Variants in PUF60 observed in about 807,000 individuals in gnomAD.
PUF60 encodes the protein poly(U)-binding-splicing factor PUF60.
Under a neutral mutation model 61.8 loss-of-function variants are expected in PUF60, and 10 were observed. The ratio of observed to expected loss-of-function variants is 0.16; its 90% CI spans 0.10 to 0.27. The LOEUF (loss-of-function observed/expected upper bound fraction) is 0.27. PUF60 is among the 10% of genes least tolerant of loss of function. The pLI, the probability that PUF60 is intolerant of heterozygous loss-of-function variation, is 1.00. For synonymous variants in PUF60, 353 were observed against 300.9 expected (o/e 1.17, Z -1.79); for missense variants, 371 against 754.0 (o/e 0.49, Z 5.95).
intron 3 of PUF60, 53 bp downstream of exon 3, chr8:143,821,765 T>TGCCCCC (rs1817046218): frequency 2.1e-6 from 2 of 939,380 alleles, no homozygotes; most frequent in African/African-American, 1.7e-5. Context: ...CCCCTGCCCC[T>TGCCCCC]GCCCCCAGTT....
Position 143,817,518 on chromosome 8 carries a change from C to A in PUF60, c.1009-52G>T. 1 of 1,607,668 alleles carries A rather than the reference C, an allele frequency of 6.2e-7. No homozygotes were observed. Reference sequence around the variant, plus strand: ...AGTCCCTGGTCTGGCTACTCAAGACCACCTTGAATCAGTCTCCAAGGAATC... The same window carrying A: ...AGTCCCTGGTCTGGCTACTCAAGACAACCTTGAATCAGTCTCCAAGGAATC... On this transcript the variant is annotated intron_variant, in intron 9 of 11. Transcript: ENST00000526683. This position sits in a 1 kb window ranked among gnomAD's most constrained non-coding sequence, Gnocchi z 7.4.
At chr8:143,827,897 G>C (rs1235707755) in intron 1 of PUF60, among the ~76,000 whole-genome samples, 1 of 152,116 alleles carries the variant, frequency 6.6e-6, no homozygotes, top group Admixed American at 6.5e-5. Flanking sequence ...CGGGTGCTAG[G>C]GGAGTCAGGC....
Position 143,816,443 on chromosome 8 carries a change from C to A in PUF60, c.*77G>T. On this transcript the variant is annotated 3_prime_UTR_variant, in exon 12 of 12. Coordinates refer to ENST00000526683, the MANE Select transcript of PUF60 (RefSeq NM_078480.3). ...CTGGGCTGGGCAGAGCGCGCCTGGC[C>A]CCGGGGACACCACTGTATCACTATA... The A allele has an allele frequency of 2.0e-6, 3 of 1,503,866 alleles. No homozygotes were observed. The highest frequency in any genetic ancestry group is 2.7e-6 in the Non-Finnish European group (3 of 1,122,054). The allele number at this position is 1,503,866 out of a possible 1,614,324, so 93.2% of individuals were successfully genotyped here.
At chr8:143,824,066 C>A (rs1241612843) in intron 2 of PUF60, among the ~76,000 whole-genome samples, 1 of 152,264 alleles carries the variant, frequency 6.6e-6, no homozygotes, top group Admixed American at 6.5e-5. Context: ...CCGCCTGGTG[C>A]TTGGAGCAGG....
Position 143,817,572 on chromosome 8 carries a change from A to T in PUF60, c.1008+20T>A. The T allele has an allele frequency of 6.2e-7, 1 of 1,610,130 alleles. No homozygotes were observed. The highest frequency in any genetic ancestry group is 2.2e-5 in the East Asian group (1 of 44,872). ...GGCCAGCCCGCCCACCCTCAAGCCG[A>T]CAGCTGTGTGGGCCCTCACCTGAGC... On this transcript the variant is annotated intron_variant, in intron 9 of 11. Transcript: ENST00000526683. The surrounding 1 kb of genome is among the most constrained non-coding windows in gnomAD (Gnocchi z 7.4).
chr8:143,818,584 G>C lies in PUF60; in HGVS notation c.349-50C>G, dbSNP rs749999625. On this transcript the variant is annotated intron_variant, in intron 5 of 11. Transcript: ENST00000526683. This position sits in a 1 kb window ranked among gnomAD's most constrained non-coding sequence, Gnocchi z 7.9. ...ACCGCTGGCTCGTCAGGGGCGGCAG[G>C]AAGCTGGGCAGCCCACTCCCCTCCT... 9 of 1,511,264 alleles carry C rather than the reference G, an allele frequency of 6.0e-6. No homozygotes were observed. Among genetic ancestry groups the C allele is most frequent in the Non-Finnish European group, 5.3e-6 (6 of 1,126,726 alleles). The allele number at this position is 1,511,264 out of a possible 1,614,324, so 93.6% of individuals were successfully genotyped here.
In PUF60 at chr8:143,818,160, CT is replaced by C. The variant is rs1563825012; in HGVS notation, c.603+32del. Reference sequence around the variant, plus strand: ...TCCGTGGAGGGGCAGCCCTGCACGCCTGCGGGATCGAGGCCTTGGCTCCCTG... The same window carrying C: ...TCCGTGGAGGGGCAGCCCTGCACGCCGCGGGATCGAGGCCTTGGCTCCCTG... On this transcript the variant is annotated intron_variant, in intron 7 of 11. Coordinates refer to ENST00000526683, the MANE Select transcript of PUF60 (RefSeq NM_078480.3). The surrounding 1 kb of genome is among the most constrained non-coding windows in gnomAD (Gnocchi z 7.9). The C allele has an allele frequency of 6.2e-7, 1 of 1,602,680 alleles. No homozygotes were observed. Among genetic ancestry groups the C allele is most frequent in the Non-Finnish European group, 8.5e-7 (1 of 1,175,356 alleles).
At position 143,818,511 on chromosome 8, in the gene PUF60, C is replaced by A. The variant is rs780390938; in HGVS notation, c.372G>T (p.Ala124=). The part of the protein sequence containing the change: ...LQSMAAQRQR[A]LAIMCRVYVG... ...CGTAGACGCGGCACATGATGGCCAG[C>A]GCCCGCTGCCGCTGAGCCGCCATCT... Residue 124 remains alanine (A), a synonymous_variant, in exon 6 of 12, where the codon GCG becomes GCT. Coordinates refer to ENST00000526683, the MANE Select transcript of PUF60 (RefSeq NM_078480.3). This position sits in a 1 kb window ranked among gnomAD's most constrained non-coding sequence, Gnocchi z 7.9. 2 of 1,599,860 alleles carry A rather than the reference C, an allele frequency of 1.3e-6. No individual in the cohort carries two copies. The highest frequency in any genetic ancestry group is 2.2e-5 in the South Asian group (2 of 89,198).
chr8:143,821,590 G>C lies in PUF60; in HGVS notation c.297+7C>G. The C allele has an allele frequency of 6.5e-7, 1 of 1,540,006 alleles. No individual in the cohort carries two copies. The highest frequency in any genetic ancestry group is 2.4e-5 in the East Asian group (1 of 40,918). ...GGAGGGCGGTAGAGGCTCCGGCCGG[G>C]GCTCACCTGCAGGTTGGTGAGCTGC... is the stretch of plus-strand genomic sequence containing the variant. On this transcript the variant is annotated splice_region_variant and intron_variant, in intron 4 of 11. Coordinates refer to ENST00000526683, the MANE Select transcript of PUF60 (RefSeq NM_078480.3).
chr8:143,821,473 T>C, intron 4 of PUF60, 124 bp downstream of exon 4: 1 of 912,550 alleles, frequency 1.1e-6, no homozygotes, highest in African/African-American at 1.6e-5. Context: ...GCATGAGTCT[T>C]TGAGAATCGG....
chr8:143,824,516 G>A (rs1275344732), intron 1 of PUF60, 117 bp from the exon 2 acceptor site: 7 of 1,083,390 alleles, frequency 6.5e-6, no homozygotes, highest in East Asian at 2.5e-5. Context: ...GCCAGGCAGG[G>A]AGGCATTCCC....
chr8:143,825,949 G>C (rs1817594381), intron 1 of PUF60, among the ~76,000 whole-genome samples: 1 of 152,302 alleles, frequency 6.6e-6, no homozygotes, highest in South Asian at 2.1e-4. Flanking sequence ...ATTTTCTTGG[G>C]AAAAGCCGGC....
chr8:143,827,327 G>C (rs1817741501), intron 1 of PUF60: 1 of 455,860 alleles, frequency 2.2e-6, no homozygotes, highest in South Asian at 1.6e-5. Flanking sequence ...TGGTCTGGCT[G>C]TCAGTGAAGA....
rs113965413 is a variant in PUF60, at chr8:143,824,683, G to T, written c.25-284C>A. On this transcript the variant is annotated intron_variant, in intron 1 of 11. Transcript: ENST00000526683. The stretch of plus-strand genomic sequence containing the variant: ...TAGAGAGAGCTGTGCTCCTGCCCCA[G>T]GCAAAAGAAAGCCATCCTCTCCTGC... The T allele has an allele frequency of 2.3e-3, 1,103 of 472,024 alleles. 11 individuals carry two copies. Among genetic ancestry groups the T allele is most frequent in the African/African-American group, 0.019 (987 of 50,802 alleles). 29.2% of individuals were successfully genotyped at this position (472,024 alleles called of 1,614,324 possible). A position where few individuals can be genotyped will look rare whatever the true frequency, so the allele number is the denominator to read the frequency against.
chr8:143,823,381 C>G (rs1817245983), intron 2 of PUF60: 1 of 152,574 alleles, frequency 6.6e-6, no homozygotes, highest in African/African-American at 2.4e-5. Flanking sequence ...GGCCCAAGAG[C>G]CAGAGGCTGG....
At position 143,816,800 on chromosome 8, in the gene PUF60, C is replaced by T; in HGVS notation, c.1400G>A (p.Arg467His). 1.2e-6 allele frequency: 2 copies of T among 1,613,302 alleles called. No individual in the cohort carries two copies. The highest frequency in any genetic ancestry group is 1.7e-6 in the Non-Finnish European group (2 of 1,179,810). ...RKQESTVMVL[R>H]NMVDPKDIDD... is the part of the protein sequence containing the mutation. ...GATGTCCTTGGGGTCCACCATGTTG[C>T]GCAGAACCATCACTGTAGACTGTGG... Residue 467 changes from arginine (R) to histidine (H), a missense_variant, in exon 12 of 12, where the codon CGC becomes CAC. Transcript: ENST00000526683.
In PUF60 at chr8:143,817,408, G is replaced by T; in HGVS notation, c.1067C>A (p.Pro356Gln). The T allele has an allele frequency of 6.2e-7, 1 of 1,601,058 alleles. No individual in the cohort carries two copies. Among genetic ancestry groups the T allele is most frequent in the East Asian group, 2.2e-5 (1 of 44,576 alleles). ...GTLGTPGLVS[P>Q]ALTLAQPLGT... Reference sequence around the variant, plus strand: ...CAGGGGCTGGGCCAGGGTCAGTGCTGGGGACACCAGTCCAGGTGTGCCCAG... The same window carrying T: ...CAGGGGCTGGGCCAGGGTCAGTGCTTGGGACACCAGTCCAGGTGTGCCCAG... Residue 356 changes from proline to glutamine, a missense_variant, in exon 10 of 12, where the codon CCA becomes CAA. Physicochemically the swap from Pro to Gln is moderately conservative, Grantham distance 76. Transcript: ENST00000526683. This position sits in a 1 kb window ranked among gnomAD's most constrained non-coding sequence, Gnocchi z 7.4.
At chr8:143,828,944 C>G (rs1231281256) in intron 1 of PUF60, 2 of 987,742 alleles carry the variant, frequency 2.0e-6, no homozygotes, top group Non-Finnish European at 2.4e-6. Flanking sequence ...GCGCACACCC[C>G]CGTCGGCAAA....
chr8:143,824,258 G>GC (rs1817377125), intron 2 of PUF60, 55 bp downstream of exon 2: 7 of 1,486,420 alleles, frequency 4.7e-6, no homozygotes, highest in Non-Finnish European at 6.3e-6. Flanking sequence ...AGGCAGGCGG[G>GC]CGGGCGGGCG....
Sources: gnomAD v4.1 joint callset for allele counts (sites outside exome capture counted in the v4.1 genomes callset) on GRCh38, gnomAD v4.1.1 for gene constraint, Gnocchi (gnomAD v3.1) non-coding constraint, MANE v1.5 for transcripts, NCBI Gene and HGNC (gene_info 2026-07-23, HGNC 2026-07-21) for gene names.